CNTNAP2: variants seen among roughly 807,000 people sequenced by gnomAD.
CNTNAP2 encodes the protein contactin-associated protein-like 2.
In CNTNAP2, 98 loss-of-function variants were observed where a neutral mutation model predicts 155.2. The observed-to-expected ratio is 0.63, with a 90% CI of 0.54 to 0.75. The LOEUF is 0.75. Ranked by LOEUF, CNTNAP2 falls within the 30% of genes least tolerant of loss-of-function variation. The pLI, the probability that CNTNAP2 is intolerant of heterozygous loss-of-function variation, is 0.00. For missense variants in CNTNAP2, 1,727 were observed against 1,688.1 expected (o/e 1.02, Z -0.40); for synonymous variants, 651 against 631.2 (o/e 1.03, Z -0.47).
chr7:146,622,215 GT>G (rs1248963728), intron 1 of CNTNAP2, among the ~76,000 whole-genome samples: 2 of 144,820 alleles, frequency 1.4e-5, no homozygotes, highest in Non-Finnish European at 3.0e-5. Context: ...ACATATACAC[GT>G]GTGTGTGTAT....
chr7:146,131,122 T>G (rs188008503), intron 1 of CNTNAP2, among the ~76,000 whole-genome samples: 1 of 152,222 alleles, frequency 6.6e-6, no homozygotes, highest in Non-Finnish European at 1.5e-5. Flanking sequence ...AGAGTATAAC[T>G]GTAACCCAAC....
At chr7:147,096,796 C>T (rs764778305) in intron 4 of CNTNAP2, among the ~76,000 whole-genome samples, 1 of 152,212 alleles carries the variant, frequency 6.6e-6, no homozygotes, top group African/African-American at 2.4e-5. Context: ...AAGTAATGGA[C>T]AGCACCCAAG....
chr7:146,134,058 C>A (rs1248238214), intron 1 of CNTNAP2, among the ~76,000 whole-genome samples: 221 of 148,792 alleles, frequency 1.5e-3, no homozygotes, highest in Non-Finnish European at 2.1e-3. Context: ...ATGGAATGTT[C>A]TTCCATTTGT....
intron 4 of CNTNAP2, among the ~76,000 whole-genome samples, chr7:147,092,083 A>C (rs1455847499): frequency 6.6e-6 from 1 of 152,176 alleles, no homozygotes; most frequent in Non-Finnish European, 1.5e-5. Flanking sequence ...TATAAATAGC[A>C]CTTGTAACAG....
At chr7:146,344,126 CT>C (rs1488378372) in intron 1 of CNTNAP2, among the ~76,000 whole-genome samples, 1 of 152,050 alleles carries the variant, frequency 6.6e-6, no homozygotes, top group Non-Finnish European at 1.5e-5. Flanking sequence ...AAACAGAAAA[CT>C]TTTTTTGTTG....
intron 1 of CNTNAP2, among the ~76,000 whole-genome samples, chr7:146,568,035 C>G (rs1403092200): frequency 1.3e-5 from 2 of 152,048 alleles, no homozygotes; most frequent in African/African-American, 4.8e-5. Flanking sequence ...ATACCTTAAT[C>G]CAATTAGCAC....
At chr7:147,780,697 G>C (rs905660115) in intron 13 of CNTNAP2, among the ~76,000 whole-genome samples, 4 of 152,114 alleles carry the variant, frequency 2.6e-5, no homozygotes, top group African/African-American at 9.7e-5. Flanking sequence ...GCTCATTCCG[G>C]TTCCCCTTTT....
chr7:146,484,922 A>G (rs899216147), intron 1 of CNTNAP2, among the ~76,000 whole-genome samples: 2 of 152,150 alleles, frequency 1.3e-5, no homozygotes, highest in Non-Finnish European at 2.9e-5. Context: ...TTGGTTCAAA[A>G]AGCATAATTT....
intron 8 of CNTNAP2, among the ~76,000 whole-genome samples, chr7:147,287,054 C>T (rs1805195904): frequency 1.3e-5 from 2 of 152,202 alleles, no homozygotes; most frequent in South Asian, 4.1e-4. Context: ...TATTCAGTGC[C>T]ATCTCAATGG....
chr7:146,609,346 T>C (rs1477905303), intron 1 of CNTNAP2, among the ~76,000 whole-genome samples: 1 of 152,200 alleles, frequency 6.6e-6, no homozygotes, highest in Admixed American at 6.5e-5. Context: ...GGAATTTTTT[T>C]CCATCACAAA....
chr7:147,468,852 T>C (rs1330448981), intron 10 of CNTNAP2, among the ~76,000 whole-genome samples: 1 of 146,426 alleles, frequency 6.8e-6, no homozygotes, highest in African/African-American at 2.5e-5. Flanking sequence ...TTTTTTTTTT[T>C]TCCCCCCAGA....
At chr7:146,655,823 C>T (rs1226574674) in intron 1 of CNTNAP2, among the ~76,000 whole-genome samples, 1 of 152,110 alleles carries the variant, frequency 6.6e-6, no homozygotes, top group Admixed American at 6.6e-5. Context: ...GTAGAATCCT[C>T]ATAAGACCAG....
chr7:147,507,540 C>CTCTT (rs1562971419), intron 11 of CNTNAP2, among the ~76,000 whole-genome samples: 3 of 136,522 alleles, frequency 2.2e-5, no homozygotes, highest in South Asian at 2.3e-4. Context: ...AAGTTGCTTT[C>CTCTT]TCTTTCTTTC....
chr7:146,396,094 A>G (rs866468219), intron 1 of CNTNAP2, among the ~76,000 whole-genome samples: 2 of 152,148 alleles, frequency 1.3e-5, no homozygotes, highest in Admixed American at 6.6e-5. Flanking sequence ...GCCCTGACAC[A>G]TGATAGATCA....
At chr7:147,050,061 C>T (rs1437797072) in intron 4 of CNTNAP2, among the ~76,000 whole-genome samples, 1 of 152,146 alleles carries the variant, frequency 6.6e-6, no homozygotes, top group Non-Finnish European at 1.5e-5. Context: ...CATTTGAAAT[C>T]ATTCTGCTTC....
At chr7:147,403,031 T>C (rs1240888936) in intron 10 of CNTNAP2, among the ~76,000 whole-genome samples, 3 of 150,728 alleles carry the variant, frequency 2.0e-5, no homozygotes, top group African/African-American at 7.3e-5. Context: ...ACTGATAGAA[T>C]AGTCTCTTTA....
rs922659219 is a variant in CNTNAP2 at position 147,559,497 on chromosome 7, TGAG to T, written c.1778-2637_1778-2635del. Among the ~76,000 whole-genome samples the T allele has an allele frequency of 5.7e-4, 87 of 152,240 alleles. 1 individual carries two copies. The highest frequency in any genetic ancestry group is 2.0e-3 in the African/African-American group (85 of 41,546). ...TTAAAAAGCACACTTTAGTGAGAAG[TGAG>T]GAGATATTTGGGTAGAACAACCAAT... On this transcript the variant is annotated intron_variant, in intron 11 of 23. Coordinates refer to ENST00000361727, the MANE Select transcript of CNTNAP2 (RefSeq NM_014141.6).
chr7:147,407,665 C>CA (rs11452491), intron 10 of CNTNAP2, among the ~76,000 whole-genome samples: 97,984 of 151,622 alleles, frequency 0.65, 32,755 homozygotes, highest in African/African-American at 0.83. Flanking sequence ...CTGATGTAGC[C>CA]TAGAGACAGT....
chr7:146,838,366 G>A (rs2129200165), intron 2 of CNTNAP2, among the ~76,000 whole-genome samples: 1 of 152,198 alleles, frequency 6.6e-6, no homozygotes, highest in South Asian at 2.1e-4. Context: ...CACTCAAACT[G>A]GAGTGCAATG....
Sources: gnomAD v4.1 joint callset for allele counts (sites outside exome capture counted in the v4.1 genomes callset) on GRCh38, gnomAD v4.1.1 for gene constraint, MANE v1.5 for transcripts, NCBI Gene and HGNC (gene_info 2026-07-23, HGNC 2026-07-21) for gene names.